ATP8B1: variants seen among roughly 807,000 people sequenced by gnomAD.
ATP8B1 encodes the protein phospholipid-transporting ATPase IC.
Under a neutral mutation model 149.9 loss-of-function variants are expected in ATP8B1, and 80 were observed. That is an observed-to-expected ratio of 0.53 (90% CI 0.45 to 0.64). The LOEUF (loss-of-function observed/expected upper bound fraction) is 0.64. Among genes scored for constraint, ATP8B1 ranks in the 30% least tolerant of loss-of-function variants. The probability of loss-of-function intolerance (pLI) is 0.00; values close to 1 mark genes in which losing one functional copy is unlikely to be tolerated. For synonymous variants in ATP8B1, 536 were observed against 562.8 expected, an observed-to-expected ratio of 0.95 and a Z score of 0.67; for missense variants, 1,247 against 1,552.6, an observed-to-expected ratio of 0.80 and a Z score of 3.31.
chr18:57,674,918 T>C lies in ATP8B1; in HGVS notation c.1735A>G (p.Ile579Val), dbSNP rs1422849081. 2 of 1,614,114 alleles carry C rather than the reference T, an allele frequency of 1.2e-6. No individual in the cohort carries two copies. Among genetic ancestry groups the C allele is most frequent in the Non-Finnish European group, 1.7e-6 (2 of 1,180,040 alleles). The change falls in exon 16 of 28, where the codon ATC (isoleucine) becomes GTC (valine). Residue 579 changes from isoleucine (I) to valine (V), a missense_variant. By Grantham distance (29) the Ile-to-Val change is conservative. This residue lies in a region of ATP8B1 where 853 missense variants were observed against 1,035.7 expected (regional missense o/e 0.82). Coordinates refer to ENST00000648908, the MANE Select transcript of ATP8B1 (RefSeq NM_001374385.1). ...FLARTQNTITISELGTERTYN... is the reference protein window; with the variant it reads ...FLARTQNTITVSELGTERTYN... ...GTCCTTTCAGTGCCCAGTTCACTGATGGTGATGGTGTTCTGGGTCCTGGCG... is the reference window on the plus strand; with the variant it reads ...GTCCTTTCAGTGCCCAGTTCACTGACGGTGATGGTGTTCTGGGTCCTGGCG...
chr18:57,787,510 CGGGTGG>C (rs1568071765), intron 1 of ATP8B1, among the ~76,000 whole-genome samples: 3 of 151,582 alleles, frequency 2.0e-5, no homozygotes, highest in Admixed American at 6.6e-5. Context: ...TAGAACAATG[CGGGTGG>C]AGCTCCATCT....
chr18:57,685,051 T>C (rs751708233), intron 14 of ATP8B1, 21 bp downstream of exon 14: 3 of 1,613,776 alleles, frequency 1.9e-6, no homozygotes, highest in Non-Finnish European at 2.5e-6. Flanking sequence ...CCCAAACGAT[T>C]CTTCGGCTTA....
At chr18:57,714,563 G>A (rs1428013864) in intron 2 of ATP8B1, among the ~76,000 whole-genome samples, 1 of 138,810 alleles carries the variant, frequency 7.2e-6, no homozygotes, top group Non-Finnish European at 1.5e-5. Context: ...CAGAGGGAGA[G>A]AGAGAAGGAG....
chr18:57,665,802 C>T (rs1178608380), intron 20 of ATP8B1, among the ~76,000 whole-genome samples: 3 of 152,104 alleles, frequency 2.0e-5, no homozygotes, highest in East Asian at 1.9e-4. Context: ...CCACCCGCCT[C>T]GGCCTCCCAA....
At position 57,695,494 on chromosome 18, in the gene ATP8B1, G is replaced by A; in HGVS notation, c.737C>T (p.Thr246Ile). The change falls in exon 9 of 28, where the codon ACA (threonine) becomes ATA (isoleucine). Residue 246 changes from threonine (T) to isoleucine (I), a missense_variant. Around this residue, in one of 3 missense-constraint regions of ATP8B1, gnomAD observed 853 missense variants for 1,035.7 expected, o/e 0.82. Transcript: ENST00000648908. ...NLKFKMSLEI[T>I]DQYLQREDTL... The stretch of plus-strand genomic sequence containing the variant: ...ATCTTCTCTTTGGAGGTACTGGTCT[G>A]TGATTTCAAGTGACATCTTAAATTT... The A allele has an allele frequency of 6.2e-7, 1 of 1,612,574 alleles. No individual in the cohort carries two copies. Among genetic ancestry groups the A allele is most frequent in the Non-Finnish European group, 8.5e-7 (1 of 1,178,704 alleles).
chr18:57,779,776 T>C (rs2080341748), intron 1 of ATP8B1, among the ~76,000 whole-genome samples: 1 of 151,690 alleles, frequency 6.6e-6, no homozygotes, highest in African/African-American at 2.4e-5. Context: ...GGCGGGTGCC[T>C]GTAATCCCAG....
At chr18:57,787,484 C>T (rs930136809) in intron 1 of ATP8B1, among the ~76,000 whole-genome samples, 1 of 137,824 alleles carries the variant, frequency 7.3e-6, no homozygotes, top group Non-Finnish European at 1.6e-5. Flanking sequence ...TAGAACACTG[C>T]GGGAGGAGCT....
intron 1 of ATP8B1, among the ~76,000 whole-genome samples, chr18:57,761,015 C>CATAAA (rs2080146386): frequency 8.8e-6 from 1 of 114,028 alleles, no homozygotes; most frequent in Non-Finnish European, 1.8e-5. Flanking sequence ...AATAAAATAA[C>CATAAA]ATAAAATAAC....
At chr18:57,663,444 T>A (rs537500088) in intron 20 of ATP8B1, among the ~76,000 whole-genome samples, 1 of 152,326 alleles carries the variant, frequency 6.6e-6, no homozygotes, top group South Asian at 2.1e-4. Context: ...TTTGTGGATA[T>A]ACCCAGAAGT....
chr18:57,676,168 T>G (rs905869140), intron 15 of ATP8B1, among the ~76,000 whole-genome samples: 1 of 152,144 alleles, frequency 6.6e-6, no homozygotes, highest in Admixed American at 6.5e-5. Context: ...CTTTCTTTCT[T>G]TTTTGTTTTT....
chr18:57,781,069 C>T (rs1455139081), intron 1 of ATP8B1, among the ~76,000 whole-genome samples: 2 of 152,250 alleles, frequency 1.3e-5, no homozygotes, highest in African/African-American at 4.8e-5. Flanking sequence ...CACATAACCA[C>T]TGCTGGTCAG....
At chr18:57,727,253 C>T (rs994050720) in intron 2 of ATP8B1, among the ~76,000 whole-genome samples, 2 of 152,040 alleles carry the variant, frequency 1.3e-5, no homozygotes, top group Non-Finnish European at 2.9e-5. Context: ...AATTTACAAC[C>T]GATCAGAGAA....
At chr18:57,800,743 G>A (rs2080565704) in intron 1 of ATP8B1, among the ~76,000 whole-genome samples, 1 of 152,092 alleles carries the variant, frequency 6.6e-6, no homozygotes, top group African/African-American at 2.4e-5. Flanking sequence ...CAGAGGTTCA[G>A]AAAACAAGAA....
chr18:57,696,413 G>A (rs1912812803), intron 8 of ATP8B1, among the ~76,000 whole-genome samples: 1 of 152,166 alleles, frequency 6.6e-6, no homozygotes, highest in African/African-American at 2.4e-5. Context: ...TTTGGGTATA[G>A]CCTCGGGGCC....
chr18:57,701,690 C>CT (rs76750207), intron 4 of ATP8B1, among the ~76,000 whole-genome samples: 1 of 150,342 alleles, frequency 6.7e-6, no homozygotes, highest in Non-Finnish European at 1.5e-5. Context: ...CTCGTCTTAA[C>CT]TTTTTTTTTC....
chr18:57,689,160 C>T (rs1419216591), intron 12 of ATP8B1, among the ~76,000 whole-genome samples: 1 of 152,182 alleles, frequency 6.6e-6, no homozygotes, highest in African/African-American at 2.4e-5. Context: ...CACAGCAACA[C>T]TGCAGACAGA....
chr18:57,798,758 A>G (rs2080543508), intron 1 of ATP8B1, among the ~76,000 whole-genome samples: 2 of 152,150 alleles, frequency 1.3e-5, no homozygotes, highest in Admixed American at 1.3e-4. Flanking sequence ...AGGCCCCCTC[A>G]CGAGTTCTCC....
chr18:57,668,689 G>C (rs1412584506), intron 18 of ATP8B1, 149 bp from the exon 19 acceptor site: 2 of 590,544 alleles, frequency 3.4e-6, no homozygotes, highest in Non-Finnish European at 5.9e-6. Context: ...TGTTAACAGG[G>C]AAGGCTGCCA....
At chr18:57,772,614 A>C (rs2080272759) in intron 1 of ATP8B1, among the ~76,000 whole-genome samples, 2 of 152,004 alleles carry the variant, frequency 1.3e-5, no homozygotes, top group Non-Finnish European at 2.9e-5. Context: ...TCTCCCATGC[A>C]TTGAGTAAAC....
Sources: gnomAD v4.1 joint callset for allele counts (sites outside exome capture counted in the v4.1 genomes callset) on GRCh38, gnomAD v4.1.1 for gene constraint, gnomAD v4.1.1 regional missense constraint, MANE v1.5 for transcripts, NCBI Gene and HGNC (gene_info 2026-07-23, HGNC 2026-07-21) for gene names.